The following ZNF778 variants were observed in gnomAD, a reference collection of about 807,000 sequenced individuals.
ZNF778 encodes the protein zinc finger protein 778.
In ZNF778, 37 loss-of-function variants were observed where a neutral mutation model predicts 23.9. The observed-to-expected ratio is 1.54, with a 90% CI of 1.19 to 2.03. The LOEUF (loss-of-function observed/expected upper bound fraction) is 2.03, where lower values mean the gene tolerates loss of function less well. Ranked by LOEUF, ZNF778 falls within the 30% of genes most tolerant of loss-of-function variation. The pLI, the probability that ZNF778 is intolerant of heterozygous loss-of-function variation, is 0.00. For synonymous variants in ZNF778, 483 were observed against 343.9 expected (o/e 1.40, Z -4.48); for missense variants, 1,297 against 934.4 (o/e 1.39, Z -5.06).
In ZNF778 at chr16:89,236,732, C is replaced by G. The variant is rs886820897; in HGVS notation, c.*8170C>G. 1 of 152,190 alleles carries G rather than the reference C, an allele frequency of 6.6e-6. No individual in the cohort carries two copies. Among genetic ancestry groups the G allele is most frequent in the Admixed American group, 6.5e-5 (1 of 15,276 alleles). 9.4% of individuals were successfully genotyped at this position (152,190 alleles called of 1,614,324 possible). On this transcript the variant is annotated 3_prime_UTR_variant, in exon 7 of 7. Coordinates refer to ENST00000433976, the MANE Select transcript of ZNF778 (RefSeq NM_001201407.2). Reference sequence around the variant, plus strand: ...GTGCTCCATTTCAGTGGCAAAATACCATTCCAGAAGGACTGGAAAAGCTAA... The same window carrying G: ...GTGCTCCATTTCAGTGGCAAAATACGATTCCAGAAGGACTGGAAAAGCTAA...
intron 2 of ZNF778, among the ~76,000 whole-genome samples, chr16:89,221,465 T>C (rs1174465313): frequency 2.6e-5 from 4 of 152,144 alleles, no homozygotes; most frequent in African/African-American, 9.7e-5. Flanking sequence ...TCACAAACAT[T>C]TTGTGTCACC....
rs1438508742 is a variant in ZNF778, at chr16:89,235,126, A to G, written c.*6564A>G. On this transcript the variant is annotated 3_prime_UTR_variant, in exon 7 of 7. Transcript: ENST00000433976. ...TGTAGAGTGTAATGTCATTTTTCCC[A>G]CTATGGACATAAAAATTTTTGCAAG... 1 of 151,730 alleles carries G rather than the reference A, an allele frequency of 6.6e-6. No individual in the cohort carries two copies. Among genetic ancestry groups the G allele is most frequent in the Non-Finnish European group, 1.5e-5 (1 of 67,918 alleles). 9.4% of individuals were successfully genotyped at this position (151,730 alleles called of 1,614,324 possible).
chr16:89,229,365 A>G lies in ZNF778; in HGVS notation c.*803A>G, dbSNP rs1313937954. 6.1e-6 allele frequency: 6 copies of G among 984,624 alleles called. No individual in the cohort carries two copies. In the African/African-American group the frequency reaches 1.1e-4, roughly 17 times the overall value. 61.0% of individuals were successfully genotyped at this position (984,624 alleles called of 1,614,324 possible). ...GATCCAGATGTGATCTTGTGTGAGC[A>G]CTGTAGGCTCTGGTTGGTTAGTCTT... On this transcript the variant is annotated 3_prime_UTR_variant, in exon 7 of 7. Coordinates refer to ENST00000433976, the MANE Select transcript of ZNF778 (RefSeq NM_001201407.2).
rs1261281965 is a variant in ZNF778, at chr16:89,227,309, G to C, written c.1021G>C (p.Glu341Gln). 2 of 1,613,908 alleles carry C rather than the reference G, an allele frequency of 1.2e-6. No individual in the cohort carries two copies. Among genetic ancestry groups the C allele is most frequent in the Non-Finnish European group, 1.7e-6 (2 of 1,179,832 alleles). ...HAAEKPCECKECGKAFTGLSG... is the reference protein window; with the variant it reads ...HAAEKPCECKQCGKAFTGLSG... The stretch of plus-strand genomic sequence containing the variant: ...TGCAGAGAAACCCTGTGAATGTAAA[G>C]AATGCGGAAAAGCCTTCACTGGACT... Residue 341 changes from glutamate to glutamine, a missense_variant, in exon 7 of 7, where the codon GAA becomes CAA. Transcript: ENST00000433976.
rs35503385 is a variant in ZNF778, at chr16:89,221,583, CTGTGTG to C, written c.25+455_25+460del. Among the ~76,000 whole-genome samples, 527 of 140,904 alleles carry C rather than the reference CTGTGTG, an allele frequency of 3.7e-3. 1 individual carries two copies. The highest frequency in any genetic ancestry group is 8.8e-3 in the African/African-American group (333 of 37,730). 92.4% of individuals were successfully genotyped at this position (140,904 alleles called of 152,430 possible). On this transcript the variant is annotated intron_variant, in intron 2 of 6. Coordinates refer to ENST00000433976, the MANE Select transcript of ZNF778 (RefSeq NM_001201407.2). ...TGTGTTTTCCTGAGGCACTGTATGG[CTGTGTG>C]TGTGTGTGTGTGTGTGTGTGTGTAT... is the stretch of plus-strand genomic sequence containing the variant.
At position 89,217,725 on chromosome 16, in the gene ZNF778, C is replaced by T. The variant is rs193005409; in HGVS notation, c.-317C>T. ...CGCCTGTCTTACAGCTGATCCGGTT[C>T]TTGCGGCGGTGCGTGCTGGCGCCGG... On this transcript the variant is annotated 5_prime_UTR_variant, in exon 1 of 7. Transcript: ENST00000433976. The T allele has an allele frequency of 1.9e-3, 282 of 152,374 alleles. No individual in the cohort carries two copies. Among genetic ancestry groups the T allele is most frequent in the Middle Eastern group, 3.4e-3 (1 of 294 alleles). The allele number at this position is 152,374 out of a possible 1,614,324, so 9.4% of individuals were successfully genotyped here. A position where few individuals can be genotyped will look rare whatever the true frequency, so the allele number is the denominator to read the frequency against.
intron 1 of ZNF778, among the ~76,000 whole-genome samples, chr16:89,219,794 T>C (rs774245758): frequency 8.5e-5 from 13 of 152,176 alleles, no homozygotes; most frequent in Non-Finnish European, 1.5e-4. Context: ...GTTAACGCTG[T>C]TATATACGTT....
At position 89,228,846 on chromosome 16, in the gene ZNF778, G is replaced by A. The variant is rs1227558087; in HGVS notation, c.*284G>A. 1 of 1,104,600 alleles carries A rather than the reference G, an allele frequency of 9.1e-7. No individual in the cohort carries two copies. The highest frequency in any genetic ancestry group is 1.6e-5 in the African/African-American group (1 of 61,228). 68.4% of individuals were successfully genotyped at this position (1,104,600 alleles called of 1,614,324 possible). A position where few individuals can be genotyped will look rare whatever the true frequency, so the allele number is the denominator to read the frequency against. ...TTGCTGTTCTGCTCAGTACTTTGATGATCCCTTGTGATCTCACAATGAAGA... is the reference window on the plus strand; with the variant it reads ...TTGCTGTTCTGCTCAGTACTTTGATAATCCCTTGTGATCTCACAATGAAGA... On this transcript the variant is annotated 3_prime_UTR_variant, in exon 7 of 7. Coordinates refer to ENST00000433976, the MANE Select transcript of ZNF778 (RefSeq NM_001201407.2).
At position 89,228,029 on chromosome 16, in the gene ZNF778, C is replaced by G. The variant is rs766353285; in HGVS notation, c.1741C>G (p.Gln581Glu). ...RNSSCLNKHI[Q>E]IHTGIKPYEC... ...TTCCTCGTGCCTGAATAAGCACATT[C>G]AGATTCACACTGGAATAAAACCTTA... Residue 581 changes from glutamine to glutamate, a missense_variant, in exon 7 of 7, where the codon CAG (glutamine) becomes GAG (glutamate). Coordinates refer to ENST00000433976, the MANE Select transcript of ZNF778 (RefSeq NM_001201407.2). The G allele has an allele frequency of 6.3e-6, 10 of 1,589,384 alleles. No individual in the cohort carries two copies.
chr16:89,221,201 TAC>T (rs751078236), intron 2 of ZNF778, 49 bp downstream of exon 2: 9 of 1,444,090 alleles, frequency 6.2e-6, no homozygotes, highest in African/African-American at 3.3e-5. Context: ...TAGGTCCTGA[TAC>T]ACAGTGTGTG....
Position 89,223,261 on chromosome 16 carries a change from C to T in ZNF778, c.222C>T (p.Asn74=). Reference sequence around the variant, plus strand: ...TCTACAGAGATGTGATGCTGGAAAACTACGAGAACCTGGCCTCAGTAGGTG... The same window carrying T: ...TCTACAGAGATGTGATGCTGGAAAATTACGAGAACCTGGCCTCAGTAGGTG... ...RDLYRDVMLE[N]YENLASVGHH... The change falls in exon 4 of 7, where the codon AAC becomes AAT. Residue 74 remains asparagine, a synonymous_variant. Transcript: ENST00000433976. 1.2e-6 allele frequency: 2 copies of T among 1,613,848 alleles called. No homozygotes were observed. Among genetic ancestry groups the T allele is most frequent in the Non-Finnish European group, 1.7e-6 (2 of 1,179,930 alleles).
Position 89,229,354 on chromosome 16 carries a change from C to G in ZNF778, c.*792C>G, listed in dbSNP as rs12920005. 2.0e-6 allele frequency: 2 copies of G among 980,506 alleles called. No individual in the cohort carries two copies. The allele number at this position is 980,506 out of a possible 1,614,324, so 60.7% of individuals were successfully genotyped here. ...TTAGTCTTCAGGATCCAGATGTGAT[C>G]TTGTGTGAGCACTGTAGGCTCTGGT... On this transcript the variant is annotated 3_prime_UTR_variant, in exon 7 of 7. Transcript: ENST00000433976.
At position 89,233,914 on chromosome 16, in the gene ZNF778, C is replaced by T. The variant is rs961682428; in HGVS notation, c.*5352C>T. 1 of 1,289,222 alleles carries T rather than the reference C, an allele frequency of 7.8e-7. No homozygotes were observed. The highest frequency in any genetic ancestry group is 1.5e-5 in the African/African-American group (1 of 65,884). 79.9% of individuals were successfully genotyped at this position (1,289,222 alleles called of 1,614,324 possible). Reference sequence around the variant, plus strand: ...CCTGAAGTCAGCCCAGGATGAGGCACTAGACAGCAGGACATGCTGTATGCC... The same window carrying T: ...CCTGAAGTCAGCCCAGGATGAGGCATTAGACAGCAGGACATGCTGTATGCC... On this transcript the variant is annotated 3_prime_UTR_variant, in exon 7 of 7. Coordinates refer to ENST00000433976, the MANE Select transcript of ZNF778 (RefSeq NM_001201407.2).
chr16:89,224,269 G>T (rs2031255445), intron 4 of ZNF778, among the ~76,000 whole-genome samples: 1 of 152,058 alleles, frequency 6.6e-6, no homozygotes. Context: ...AGTGGCTCAT[G>T]CCTGTAATCC....
At position 89,233,928 on chromosome 16, in the gene ZNF778, A is replaced by G. The variant is rs1053781564; in HGVS notation, c.*5366A>G. 42 of 1,286,438 alleles carry G rather than the reference A, an allele frequency of 3.3e-5. 1 individual carries two copies. In the East Asian group the frequency reaches 1.2e-3, roughly 36 times the overall value. 79.7% of individuals were successfully genotyped at this position (1,286,438 alleles called of 1,614,324 possible). On this transcript the variant is annotated 3_prime_UTR_variant, in exon 7 of 7. Coordinates refer to ENST00000433976, the MANE Select transcript of ZNF778 (RefSeq NM_001201407.2). ...AGGATGAGGCACTAGACAGCAGGAC[A>G]TGCTGTATGCCCTTGGGCCTGCTGG... is the stretch of plus-strand genomic sequence containing the variant.
Position 89,232,680 on chromosome 16 carries a change from G to C in ZNF778, c.*4118G>C. ...TTGTTAGGGTACATTTTCATCCTGGGGTCTTGCTGTGGGGGCTAGACCGTC... is the reference window on the plus strand; with the variant it reads ...TTGTTAGGGTACATTTTCATCCTGGCGTCTTGCTGTGGGGGCTAGACCGTC... On this transcript the variant is annotated 3_prime_UTR_variant, in exon 7 of 7. Transcript: ENST00000433976. 6 of 1,235,284 alleles carry C rather than the reference G, an allele frequency of 4.9e-6. No individual in the cohort carries two copies. Among genetic ancestry groups the C allele is most frequent in the Non-Finnish European group, 6.3e-6 (6 of 959,734 alleles). The allele number at this position is 1,235,284 out of a possible 1,614,324, so 76.5% of individuals were successfully genotyped here. A position where few individuals can be genotyped will look rare whatever the true frequency, so the allele number is the denominator to read the frequency against.
chr16:89,228,541 C>T lies in ZNF778; in HGVS notation c.2253C>T (p.His751=), dbSNP rs780445969. 50 of 1,589,786 alleles carry T rather than the reference C, an allele frequency of 3.1e-5. No individual in the cohort carries two copies. Among genetic ancestry groups the T allele is most frequent in the Non-Finnish European group, 3.5e-5 (41 of 1,170,806 alleles). The change falls in exon 7 of 7, where the codon CAC becomes CAT. Residue 751 remains histidine (H), a synonymous_variant. Coordinates refer to ENST00000433976, the MANE Select transcript of ZNF778 (RefSeq NM_001201407.2). ...GCCTTAACCATCACACTCAAATTCA[C>T]ACTGATGAGAAACCTTTCTAATGTA... ...SSCLNHHTQI[H]TDEKPF
In ZNF778 at chr16:89,231,760, C is replaced by T. The variant is rs554859758; in HGVS notation, c.*3198C>T. ...ATGTTTTGTTTCACCAGGAGGTGCC[C>T]GCCTCCTATCAGCCTCTGGGAAGGC... On this transcript the variant is annotated 3_prime_UTR_variant, in exon 7 of 7. Coordinates refer to ENST00000433976, the MANE Select transcript of ZNF778 (RefSeq NM_001201407.2). The T allele has an allele frequency of 2.6e-5, 4 of 152,190 alleles. No individual in the cohort carries two copies. The highest frequency in any genetic ancestry group is 2.9e-5 in the Non-Finnish European group (2 of 68,014). 9.4% of individuals were successfully genotyped at this position (152,190 alleles called of 1,614,324 possible).
Position 89,227,815 on chromosome 16 carries a change from G to A in ZNF778, c.1527G>A (p.Gln509=), listed in dbSNP as rs376634438. 51 of 1,613,870 alleles carry A rather than the reference G, an allele frequency of 3.2e-5. No individual in the cohort carries two copies. Among genetic ancestry groups the A allele is most frequent in the Non-Finnish European group, 4.2e-5 (50 of 1,179,988 alleles). Residue 509 remains glutamine (Q), a synonymous_variant, in exon 7 of 7, where the codon CAG becomes CAA. Transcript: ENST00000433976. The part of the protein sequence containing the change: ...HTGEKPYECK[Q]CGKAFTGRSG... ...GAGAGAAACCCTACGAATGTAAGCAGTGTGGCAAAGCCTTCACAGGGCGCT... is the reference window on the plus strand; with the variant it reads ...GAGAGAAACCCTACGAATGTAAGCAATGTGGCAAAGCCTTCACAGGGCGCT...
Sources: allele counts gnomAD v4.1 joint callset (sites outside exome capture counted in the v4.1 genomes callset), GRCh38; gene constraint gnomAD v4.1.1; transcripts MANE v1.5; gene names NCBI Gene and HGNC (gene_info 2026-07-23, HGNC 2026-07-21).